The following PALM variants were observed in gnomAD, a reference collection of about 807,000 sequenced individuals.
PALM encodes the protein paralemmin.
A neutral mutation model predicts 30.7 loss-of-function variants in PALM; 18 were observed. The observed-to-expected ratio is 0.59, with a 90% CI of 0.41 to 0.87. The LOEUF (loss-of-function observed/expected upper bound fraction) is 0.87, where lower values mean the gene tolerates loss of function less well. PALM is among the 40% of genes least tolerant of loss of function. The pLI, the probability that PALM is intolerant of heterozygous loss-of-function variation, is 0.00. For missense variants in PALM, 529 were observed against 555.4 expected, an observed-to-expected ratio of 0.95 and a Z score of 0.48; for synonymous variants, 286 against 242.8, an observed-to-expected ratio of 1.18 and a Z score of -1.66.
At position 731,176 on chromosome 19, in the gene PALM, A is replaced by G. The variant is rs76698799; in HGVS notation, c.351A>G (p.Pro117=). The change falls in exon 5 of 9, where the codon CCA becomes CCG. Residue 117 remains proline, a synonymous_variant. Transcript: ENST00000338448. ...AGGAGAACGCGGCGGCCCCGAGCCCAGTCCGGGCCCCAGCCCCGAGTCCAG... is the reference window on the plus strand; with the variant it reads ...AGGAGAACGCGGCGGCCCCGAGCCCGGTCCGGGCCCCAGCCCCGAGTCCAG... ...TAKENAAAPS[P]VRAPAPSPAK... 77,666 of 1,609,890 alleles carry G rather than the reference A, an allele frequency of 0.048. 2,303 individuals are homozygous for G. The highest frequency in any genetic ancestry group is 0.076 in the Middle Eastern group (458 of 5,992).
chr19:727,538 C>T, intron 3 of PALM, 26 bp from the exon 4 acceptor site: 2 of 1,568,522 alleles, frequency 1.3e-6, no homozygotes, highest in East Asian at 2.3e-5. Flanking sequence ...CTGCCCACGA[C>T]TCTGACCTGG....
chr19:738,145 C>A (rs931184787), intron 7 of PALM, among the ~76,000 whole-genome samples: 2 of 152,042 alleles, frequency 1.3e-5, no homozygotes, highest in African/African-American at 4.8e-5. Context: ...AATCCCAGCA[C>A]CTTTGGAGGC....
chr19:719,133 C>G (rs1399876941), intron 1 of PALM: 1 of 985,242 alleles, frequency 1.0e-6, no homozygotes, highest in South Asian at 4.7e-5. Context: ...GGGCAGGGAC[C>G]CCCTCGTTCT....
At chr19:718,759 G>A (rs554538913) in intron 1 of PALM, among the ~76,000 whole-genome samples, 1 of 152,206 alleles carries the variant, frequency 6.6e-6, no homozygotes, top group South Asian at 2.1e-4. Context: ...CCTGGAGGAG[G>A]TGGCTGTGCT....
chr19:731,312 C>T, intron 5 of PALM, 67 bp downstream of exon 5: 1 of 1,397,986 alleles, frequency 7.2e-7, no homozygotes, highest in Non-Finnish European at 9.7e-7. Context: ...AGCGAGGCCC[C>T]AGCCCTTCCA....
At chr19:736,128 C>T (rs2033017235) in intron 7 of PALM, 50 bp downstream of exon 7, 1 of 1,402,378 alleles carries the variant, frequency 7.1e-7, no homozygotes, top group East Asian at 2.4e-5. Context: ...CTGTCAGGGA[C>T]CAAGTCTCGG....
intron 8 of PALM, among the ~76,000 whole-genome samples, chr19:741,204 G>T (rs2033175614): frequency 6.6e-6 from 1 of 152,056 alleles, no homozygotes; most frequent in Admixed American, 6.6e-5. Flanking sequence ...TGCACATCCA[G>T]GGGGCTGTGA....
chr19:740,003 C>A, intron 7 of PALM, among the ~76,000 whole-genome samples: 1 of 152,184 alleles, frequency 6.6e-6, no homozygotes, highest in East Asian at 1.9e-4. Context: ...TGAAGGCTTT[C>A]CAGATGGGCT....
At chr19:730,992 A>ATC in intron 4 of PALM, 103 bp from the exon 5 acceptor site, 1 of 734,604 alleles carries the variant, frequency 1.4e-6, no homozygotes, top group Non-Finnish European at 2.2e-6. Context: ...CAAGAGCGAG[A>ATC]ATCTGTCTCA....
intron 2 of PALM, 30 bp downstream of exon 2, chr19:726,219 G>A: frequency 6.2e-7 from 1 of 1,605,910 alleles, no homozygotes; most frequent in South Asian, 1.1e-5. Context: ...CAGACGGTGT[G>A]GTCAGGGTGG....
intron 1 of PALM, among the ~76,000 whole-genome samples, chr19:713,059 G>A (rs2032136115): frequency 2.0e-5 from 3 of 152,196 alleles, no homozygotes; most frequent in Admixed American, 6.5e-5. Context: ...AGGACACACA[G>A]CTGCAGAGGC....
At position 726,783 on chromosome 19, in the gene PALM, G is replaced by T. The variant is rs556618810; in HGVS notation, c.58-225G>T. ...CTCCCAAAGTGCTGGGATTACAGGC[G>T]TGAGCCACCGTGCCCGGCCAGTCAT... On this transcript the variant is annotated intron_variant, in intron 2 of 8. Transcript: ENST00000338448. Among the ~76,000 whole-genome samples, 449 of 152,324 alleles carry T rather than the reference G, an allele frequency of 2.9e-3. 1 individual carries two copies. Among genetic ancestry groups the T allele is most frequent in the Non-Finnish European group, 4.1e-3 (276 of 68,028 alleles).
intron 1 of PALM, among the ~76,000 whole-genome samples, chr19:724,699 C>T (rs1390135506): frequency 6.6e-6 from 1 of 152,150 alleles, no homozygotes; most frequent in Non-Finnish European, 1.5e-5. Flanking sequence ...TCACTGCCCC[C>T]TGGACCTCCC....
chr19:714,525 A>G, intron 1 of PALM, among the ~76,000 whole-genome samples: 1 of 144,432 alleles, frequency 6.9e-6, no homozygotes, highest in South Asian at 2.2e-4. Context: ...CGCCCGGCTA[A>G]TTTTTTGTAT....
chr19:713,307 C>T lies in PALM; in HGVS notation c.5+4156C>T, dbSNP rs561918584. Among the ~76,000 whole-genome samples, 18 of 152,192 alleles carry T rather than the reference C, an allele frequency of 1.2e-4. 1 individual carries two copies. The South Asian group carries it at 2.3e-3, about 19-fold the overall frequency. ...TCTGCCCTGCCTCTGTGCCCATCCA[C>T]GCCGTTCTGTGATTTGGGAGAGGAG... On this transcript the variant is annotated intron_variant, in intron 1 of 8. Coordinates refer to ENST00000338448, the MANE Select transcript of PALM (RefSeq NM_002579.3).
intron 7 of PALM, among the ~76,000 whole-genome samples, chr19:739,372 A>G (rs1473868497): frequency 6.6e-6 from 1 of 152,022 alleles, no homozygotes; most frequent in Non-Finnish European, 1.5e-5. Context: ...TCTGGGATTC[A>G]CCTGCTCCTC....
rs1046978670 is a variant in PALM, at chr19:711,030, C to T, written c.5+1879C>T. ...TCCACAGATTTTCCAGTCGAAGACA[C>T]GGGAGCTGGCTGTGGTTTGTGGTGG... On this transcript the variant is annotated intron_variant, in intron 1 of 8. Transcript: ENST00000338448. Among the ~76,000 whole-genome samples the T allele has an allele frequency of 5.9e-5, 9 of 152,260 alleles. No homozygotes were observed. The East Asian group carries it at 1.3e-3, about 23-fold the overall frequency.
chr19:746,186 TACAAG>T lies in PALM; in HGVS notation c.635-98_635-94del. On this transcript the variant is annotated intron_variant, in intron 8 of 8. Transcript: ENST00000338448. The surrounding 1 kb of genome is among the most constrained non-coding windows in gnomAD (Gnocchi z 7.1). ...ATTTCCTCTTTAGCCTGGAGGAGGA[TACAAG>T]CCTTGCCAAGGTTTCCCTCCTGCCT... 2.3e-6 allele frequency: 2 copies of T among 860,294 alleles called. No individual in the cohort carries two copies. Among genetic ancestry groups the T allele is most frequent in the Non-Finnish European group, 3.7e-6 (2 of 533,514 alleles). The allele number at this position is 860,294 out of a possible 1,614,324, so 53.3% of individuals were successfully genotyped here. A position where few individuals can be genotyped will look rare whatever the true frequency, so the allele number is the denominator to read the frequency against.
chr19:746,304 C>T lies in PALM; in HGVS notation c.654C>T (p.Gly218=). 6.2e-7 allele frequency: 1 copy of T among 1,613,032 alleles called. No individual in the cohort carries two copies. Among genetic ancestry groups the T allele is most frequent in the Non-Finnish European group, 8.5e-7 (1 of 1,179,486 alleles). ...GTACAGTGGTCCATGCTGTGGACGG[C>T]ACCGCCGAGAACGGGATCCACCCCC... is the stretch of plus-strand genomic sequence containing the variant. ...DETKVVHAVD[G]TAENGIHPLS... Residue 218 remains glycine (G), a synonymous_variant, in exon 9 of 9, where the codon GGC becomes GGT. Coordinates refer to ENST00000338448, the MANE Select transcript of PALM (RefSeq NM_002579.3). The surrounding 1 kb of genome is among the most constrained non-coding windows in gnomAD (Gnocchi z 7.1).
Sources: allele counts gnomAD v4.1 joint callset (sites outside exome capture counted in the v4.1 genomes callset), GRCh38; gene constraint gnomAD v4.1.1; non-coding constraint Gnocchi (gnomAD v3.1); transcripts MANE v1.5; gene names NCBI Gene and HGNC (gene_info 2026-07-23, HGNC 2026-07-21).